The following CFAP20DC variants were observed in gnomAD, a reference collection of about 807,000 sequenced individuals.
CFAP20DC encodes the protein CFAP20 domain containing, also known as protein CFAP20DC.
Under a neutral mutation model 101.7 loss-of-function variants are expected in CFAP20DC, and 84 were observed. The ratio of observed to expected loss-of-function variants is 0.83; its 90% CI spans 0.69 to 0.99. CFAP20DC has a LOEUF of 0.99. Ranked by LOEUF, CFAP20DC falls within the 50% of genes least tolerant of loss-of-function variation. CFAP20DC has a pLI of 0.00. For missense variants in CFAP20DC, 1,007 were observed against 970.3 expected, an observed-to-expected ratio of 1.04 and a Z score of -0.50; for synonymous variants, 359 against 351.2, an observed-to-expected ratio of 1.02 and a Z score of -0.25.
chr3:59,038,054 C>T (rs924435126), intron 4 of CFAP20DC, among the ~76,000 whole-genome samples: 2 of 152,046 alleles, frequency 1.3e-5, no homozygotes, highest in African/African-American at 4.8e-5. Flanking sequence ...CATGTTCTCA[C>T]TCATAAGTAA....
intron 14 of CFAP20DC, among the ~76,000 whole-genome samples, chr3:58,829,746 C>T (rs1575800292): frequency 6.6e-6 from 1 of 152,172 alleles, no homozygotes; most frequent in Non-Finnish European, 1.5e-5. Context: ...CAGGAGACTT[C>T]AGTCCTTGCC....
At position 58,899,372 on chromosome 3, in the gene CFAP20DC, GC is replaced by G. The variant is rs1464297312; in HGVS notation, c.550+14335del. On this transcript the variant is annotated intron_variant, in intron 6 of 16. Transcript: ENST00000482387. This position sits in a 1 kb window ranked among gnomAD's most constrained non-coding sequence, Gnocchi z 5.0. ...CTTCTCAGGCAGACTCAAGCCTGCTGCTGCTGACTGGCTGGAATTTGCCATT... is the reference window on the plus strand; with the variant it reads ...CTTCTCAGGCAGACTCAAGCCTGCTGTGCTGACTGGCTGGAATTTGCCATT... 1.3e-5 allele frequency among the ~76,000 whole-genome samples: 2 copies of G among 152,208 alleles called. No individual in the cohort carries two copies. Among genetic ancestry groups the G allele is most frequent in the African/African-American group, 4.8e-5 (2 of 41,454 alleles).
intron 4 of CFAP20DC, among the ~76,000 whole-genome samples, chr3:58,950,932 C>T (rs1157470202): frequency 6.6e-6 from 1 of 152,170 alleles, no homozygotes; most frequent in Non-Finnish European, 1.5e-5. Context: ...AAACTAAAAG[C>T]TTCTGCACAG....
At chr3:58,997,707 T>G (rs2093178764) in intron 4 of CFAP20DC, among the ~76,000 whole-genome samples, 1 of 152,176 alleles carries the variant, frequency 6.6e-6, no homozygotes, top group African/African-American at 2.4e-5. Flanking sequence ...GATCAAAAAA[T>G]TATTTTAAGG....
At chr3:58,740,941 T>A (rs1175514267), downstream of CFAP20DC, among the ~76,000 whole-genome samples, 1 of 152,168 alleles carries the variant, frequency 6.6e-6, no homozygotes, top group Non-Finnish European at 1.5e-5. This position sits in a 1 kb window ranked among gnomAD's most constrained non-coding sequence, Gnocchi z 4.6. Context: ...AGTATGAAGA[T>A]CTTGGAGAGA....
intron 14 of CFAP20DC, among the ~76,000 whole-genome samples, chr3:58,821,455 AC>A (rs1575762863): frequency 2.6e-5 from 4 of 151,576 alleles, no homozygotes; most frequent in African/African-American, 7.3e-5. Context: ...CAAGAAAAAA[AC>A]AAACAACCCC....
intron 5 of CFAP20DC, among the ~76,000 whole-genome samples, chr3:58,935,554 T>A (rs1242425408): frequency 1.8e-4 from 28 of 152,162 alleles, no homozygotes; most frequent in Non-Finnish European, 2.9e-5. Context: ...CAAAACAGCA[T>A]GGTACTGGTA....
chr3:58,860,360 C>T (rs141993918), intron 12 of CFAP20DC, among the ~76,000 whole-genome samples: 338 of 152,036 alleles, frequency 2.2e-3, no homozygotes, highest in Non-Finnish European at 3.6e-3. Flanking sequence ...GGAGGGTGGA[C>T]GAAAATGGTC....
rs78883332 is a variant in CFAP20DC at position 58,995,154 on chromosome 3, T to C, written c.278+44403A>G. Among the ~76,000 whole-genome samples, 413 of 152,308 alleles carry C rather than the reference T, an allele frequency of 2.7e-3. 1 individual carries two copies. The highest frequency in any genetic ancestry group is 9.2e-3 in the African/African-American group (384 of 41,576). On this transcript the variant is annotated intron_variant, in intron 4 of 16. Transcript: ENST00000482387. Reference sequence around the variant, plus strand: ...TTACCACCTTCGCTGTACATCCTTATGATGTCATTTTGATAAAGATATTAG... The same window carrying C: ...TTACCACCTTCGCTGTACATCCTTACGATGTCATTTTGATAAAGATATTAG...
In CFAP20DC at chr3:58,860,142, A is replaced by AC. The variant is rs566111861; in HGVS notation, c.1593+3415dup. Among the ~76,000 whole-genome samples the AC allele has an allele frequency of 8.7e-5, 12 of 138,596 alleles. 1 individual carries two copies. In the South Asian group the frequency reaches 2.3e-3, roughly 26 times the overall value. The allele number at this position is 138,596 out of a possible 152,430, so 90.9% of individuals were successfully genotyped here. A position where few individuals can be genotyped will look rare whatever the true frequency, so the allele number is the denominator to read the frequency against. On this transcript the variant is annotated intron_variant, in intron 12 of 16. Coordinates refer to ENST00000482387, the MANE Select transcript of CFAP20DC (RefSeq NM_001394063.1). ...CAATGAGCAGAGATCCCACCACTGC[A>AC]CTCCAGCCTGGCTACAGGGCAAAAC...
chr3:58,759,943 T>C (rs955692360), intron 15 of CFAP20DC, among the ~76,000 whole-genome samples: 15 of 152,328 alleles, frequency 9.8e-5, no homozygotes, highest in Non-Finnish European at 1.6e-4. Context: ...TGTAGCCTTG[T>C]AGTATAGTTT....
intron 4 of CFAP20DC, among the ~76,000 whole-genome samples, chr3:59,020,552 T>C (rs1025330546): frequency 2.0e-5 from 3 of 152,042 alleles, no homozygotes; most frequent in Admixed American, 1.3e-4. Flanking sequence ...AATGTGTGTG[T>C]GTGTGTGTCT....
At chr3:58,949,510 C>A (rs2089816993) in intron 4 of CFAP20DC, among the ~76,000 whole-genome samples, 1 of 152,046 alleles carries the variant, frequency 6.6e-6, no homozygotes, top group African/African-American at 2.4e-5. Flanking sequence ...TTTCAAAGAA[C>A]ATCTTTATTT....
chr3:58,950,408 T>C (rs1234816684), intron 4 of CFAP20DC, among the ~76,000 whole-genome samples: 2 of 152,142 alleles, frequency 1.3e-5, no homozygotes, highest in African/African-American at 4.8e-5. Context: ...TGGAAAAAAC[T>C]ACTTTAAAGT....
intron 15 of CFAP20DC, among the ~76,000 whole-genome samples, chr3:58,774,139 A>G (rs1031559641): frequency 1.3e-4 from 20 of 152,316 alleles, no homozygotes; most frequent in Admixed American, 1.0e-3. Flanking sequence ...TGCTTAAAAC[A>G]GAAAAAACTA....
intron 4 of CFAP20DC, among the ~76,000 whole-genome samples, chr3:58,989,112 C>T (rs2092848403): frequency 6.6e-6 from 1 of 152,032 alleles, no homozygotes; most frequent in Non-Finnish European, 1.5e-5. Context: ...CCTTTCATCA[C>T]TGAAATCAAT....
chr3:58,994,447 T>A (rs892270138), intron 4 of CFAP20DC, among the ~76,000 whole-genome samples: 1 of 152,190 alleles, frequency 6.6e-6, no homozygotes, highest in Non-Finnish European at 1.5e-5. Context: ...ATCCTCATTT[T>A]TTTTTTAATG....
At chr3:58,884,407 G>T in intron 7 of CFAP20DC, 138 bp downstream of exon 7, 1 of 685,596 alleles carries the variant, frequency 1.5e-6, no homozygotes, top group Non-Finnish European at 2.4e-6. Context: ...AGCCCCTGGC[G>T]TGGTATGTGG....
chr3:58,823,028 T>G (rs1365412335), intron 14 of CFAP20DC, among the ~76,000 whole-genome samples: 2 of 152,066 alleles, frequency 1.3e-5, no homozygotes, highest in Admixed American at 1.3e-4. Flanking sequence ...TTAGCTCATA[T>G]CTCCTTTGCC....
Sources: gnomAD v4.1 joint callset for allele counts (sites outside exome capture counted in the v4.1 genomes callset) on GRCh38, gnomAD v4.1.1 for gene constraint, Gnocchi (gnomAD v3.1) non-coding constraint, MANE v1.5 for transcripts, NCBI Gene and HGNC (gene_info 2026-07-23, HGNC 2026-07-21) for gene names.